Variants in MSRA observed in about 807,000 individuals in gnomAD.
MSRA encodes the protein methionine sulfoxide reductase A.
A neutral mutation model predicts 31.3 loss-of-function variants in MSRA; 54 were observed. The observed-to-expected ratio is 1.73, with a 90% CI of 1.39 to 2.17. The LOEUF (loss-of-function observed/expected upper bound fraction) is 2.17, where lower values mean the gene tolerates loss of function less well. Among genes scored for constraint, MSRA ranks in the 30% most tolerant of loss-of-function variants. The pLI is 0.00. For missense variants in MSRA, 507 were observed against 300.9 expected, an observed-to-expected ratio of 1.69 and a Z score of -5.07; for synonymous variants, 169 against 116.5, an observed-to-expected ratio of 1.45 and a Z score of -2.90.
intron 5 of MSRA, among the ~76,000 whole-genome samples, chr8:10,388,046 G>C (rs1165575628): frequency 6.6e-6 from 1 of 152,162 alleles, no homozygotes; most frequent in African/African-American, 2.4e-5. Flanking sequence ...CTCCAATGGA[G>C]CCCTTGTAAC....
chr8:10,330,453 T>C (rs1195369288), intron 5 of MSRA, among the ~76,000 whole-genome samples: 1 of 152,218 alleles, frequency 6.6e-6, no homozygotes, highest in African/African-American at 2.4e-5. Context: ...ATCTATAGGC[T>C]GAAAATGGCT....
At chr8:10,243,672 G>C (rs897195705) in intron 2 of MSRA, among the ~76,000 whole-genome samples, 1 of 151,960 alleles carries the variant, frequency 6.6e-6, no homozygotes, top group Non-Finnish European at 1.5e-5. Flanking sequence ...TTCCTAAATT[G>C]TCACCACTGT....
At chr8:10,091,607 G>GTTT (rs377691325) in intron 1 of MSRA, among the ~76,000 whole-genome samples, 2 of 136,370 alleles carry the variant, frequency 1.5e-5, no homozygotes, top group Non-Finnish European at 3.2e-5. Context: ...TCATATGGTA[G>GTTT]TTTTTTTTTT....
intron 1 of MSRA, among the ~76,000 whole-genome samples, chr8:10,099,383 G>T (rs1281317360): frequency 6.6e-6 from 1 of 152,188 alleles, no homozygotes; most frequent in African/African-American, 2.4e-5. Flanking sequence ...CCAGGCAAAA[G>T]ATATAATTGC....
intron 3 of MSRA, among the ~76,000 whole-genome samples, chr8:10,277,322 C>G (rs1021729225): frequency 6.6e-6 from 1 of 152,156 alleles, no homozygotes; most frequent in South Asian, 2.1e-4. Context: ...AGCCAAAGAA[C>G]ACAGCTCTAG....
At chr8:10,363,397 G>A (rs1804966088) in intron 5 of MSRA, among the ~76,000 whole-genome samples, 1 of 152,092 alleles carries the variant, frequency 6.6e-6, no homozygotes, top group Non-Finnish European at 1.5e-5. Context: ...CGTCAGACTG[G>A]GTGGGGACCT....
intron 1 of MSRA, among the ~76,000 whole-genome samples, chr8:10,076,947 T>C (rs1330992721): frequency 6.6e-6 from 1 of 151,366 alleles, no homozygotes; most frequent in Non-Finnish European, 1.5e-5. Context: ...CTGCTGGGCT[T>C]AATACGTAGG....
At chr8:10,182,393 G>T (rs1364734956) in intron 1 of MSRA, among the ~76,000 whole-genome samples, 1 of 152,112 alleles carries the variant, frequency 6.6e-6, no homozygotes, top group Non-Finnish European at 1.5e-5. Context: ...CAATTTCTGT[G>T]GGTCAGGAAT....
intron 3 of MSRA, among the ~76,000 whole-genome samples, chr8:10,272,095 A>G (rs1283598514): frequency 6.6e-6 from 1 of 152,150 alleles, no homozygotes; most frequent in Non-Finnish European, 1.5e-5. Flanking sequence ...GGCTCCCTTC[A>G]TGCCTCCAAA....
intron 1 of MSRA, among the ~76,000 whole-genome samples, chr8:10,110,038 T>C (rs1800167718): frequency 6.6e-6 from 1 of 152,184 alleles, no homozygotes; most frequent in Non-Finnish European, 1.5e-5. Context: ...CAGTCCGTCC[T>C]TGGCTCTCGG....
At chr8:10,350,561 A>T (rs1037686000) in intron 5 of MSRA, among the ~76,000 whole-genome samples, 2 of 152,198 alleles carry the variant, frequency 1.3e-5, no homozygotes, top group African/African-American at 4.8e-5. Flanking sequence ...TCGATGTCTC[A>T]CCGAATTGGA....
chr8:10,259,761 C>T (rs1197984075), intron 3 of MSRA, among the ~76,000 whole-genome samples: 1 of 152,178 alleles, frequency 6.6e-6, no homozygotes, highest in South Asian at 2.1e-4. Flanking sequence ...GTGCTTTCCA[C>T]CCTCTCCCGG....
chr8:10,229,421 G>T (rs1811273754), intron 2 of MSRA, among the ~76,000 whole-genome samples: 1 of 152,176 alleles, frequency 6.6e-6, no homozygotes. Flanking sequence ...CTGCTATGAG[G>T]CTGCAGTATG....
chr8:10,301,531 A>C lies in MSRA; in HGVS notation c.332-3A>C, dbSNP rs373125212. On this transcript the variant is annotated splice_polypyrimidine_tract_variant and splice_region_variant and intron_variant, in intron 3 of 5. Transcript: ENST00000317173. ...TTCGGTTGTACGTTTTGTTTTTTCC[A>C]AGAAAAAACTGGCCATGCAGAAGTC... The C allele has an allele frequency of 1.6e-5, 26 of 1,605,888 alleles. No homozygotes were observed. Among genetic ancestry groups the C allele is most frequent in the Middle Eastern group, 1.7e-4 (1 of 6,020 alleles).
chr8:10,355,154 C>T (rs755702970), intron 5 of MSRA, among the ~76,000 whole-genome samples: 1 of 152,216 alleles, frequency 6.6e-6, no homozygotes, highest in African/African-American at 2.4e-5. Flanking sequence ...CAGCCTACAA[C>T]ACTACGATGC....
chr8:10,328,399 C>T (rs1802502511), intron 5 of MSRA, among the ~76,000 whole-genome samples: 1 of 151,986 alleles, frequency 6.6e-6, no homozygotes. Context: ...CTCCAAAAGA[C>T]ATCCCCACTG....
chr8:10,055,327 T>G lies in MSRA; in HGVS notation c.142+669T>G, dbSNP rs1402440363. On this transcript the variant is annotated intron_variant, in intron 1 of 5. Coordinates refer to ENST00000317173, the MANE Select transcript of MSRA (RefSeq NM_012331.5). Reference sequence around the variant, plus strand: ...GTACTTTGGGAAAATACAATAAGGGTGAAATACTAGAAAAATGTTCACGTG... The same window carrying G: ...GTACTTTGGGAAAATACAATAAGGGGGAAATACTAGAAAAATGTTCACGTG... Among the ~76,000 whole-genome samples the G allele has an allele frequency of 2.6e-5, 4 of 152,186 alleles. 1 individual carries two copies. The highest frequency in any genetic ancestry group is 5.9e-5 in the Non-Finnish European group (4 of 68,024).
At chr8:10,408,432 C>A (rs910863706) in intron 5 of MSRA, among the ~76,000 whole-genome samples, 4 of 152,176 alleles carry the variant, frequency 2.6e-5, no homozygotes, top group African/African-American at 9.6e-5. Context: ...GCCCCAGCTA[C>A]CCAAGAGGCT....
At chr8:10,229,260 A>G (rs1016882235) in intron 2 of MSRA, among the ~76,000 whole-genome samples, 13 of 152,202 alleles carry the variant, frequency 8.5e-5, no homozygotes, top group Non-Finnish European at 1.8e-4. Flanking sequence ...GAGAAGGTCA[A>G]TATATGAAGA....
Sources: gnomAD v4.1 joint callset for allele counts (sites outside exome capture counted in the v4.1 genomes callset) on GRCh38, gnomAD v4.1.1 for gene constraint, MANE v1.5 for transcripts, NCBI Gene and HGNC (gene_info 2026-07-23, HGNC 2026-07-21) for gene names.